Variants in MNS1 observed in about 807,000 individuals in gnomAD.
The protein encoded by MNS1 is meiosis specific nuclear structural 1.
Under a neutral mutation model 72.0 loss-of-function variants are expected in MNS1, and 63 were observed. The observed-to-expected ratio is 0.87, with a 90% CI of 0.71 to 1.08. MNS1 has a LOEUF of 1.08. Ranked by LOEUF, MNS1 falls within the 50% of genes least tolerant of loss-of-function variation. MNS1 has a pLI of 0.00. For missense variants in MNS1, 604 were observed against 562.4 expected, an observed-to-expected ratio of 1.07 and a Z score of -0.75; for synonymous variants, 188 against 172.1, an observed-to-expected ratio of 1.09 and a Z score of -0.72.
chr15:56,453,912 T>C (rs1219926793), intron 3 of MNS1, among the ~76,000 whole-genome samples: 1 of 152,164 alleles, frequency 6.6e-6, no homozygotes, highest in Non-Finnish European at 1.5e-5. Flanking sequence ...TTAAAAAAGC[T>C]AAATCTTAAT....
chr15:56,457,815 T>TA (rs1350685968), intron 2 of MNS1, among the ~76,000 whole-genome samples: 198 of 140,690 alleles, frequency 1.4e-3, no homozygotes, highest in African/African-American at 3.2e-3. Context: ...CCCTGTCTCT[T>TA]AAAAAAAAAA....
chr15:56,457,197 T>G (rs2050987063), intron 2 of MNS1, among the ~76,000 whole-genome samples: 1 of 152,216 alleles, frequency 6.6e-6, no homozygotes, highest in African/African-American at 2.4e-5. Flanking sequence ...CCGTAGAATG[T>G]TCCACATTTT....
Position 56,429,099 on chromosome 15 carries a change from T to TATC in MNS1, c.1487_*1dup. The TATC allele has an allele frequency of 6.4e-7, 1 of 1,573,066 alleles. No individual in the cohort carries two copies. Among genetic ancestry groups the TATC allele is most frequent in the Non-Finnish European group, 8.7e-7 (1 of 1,154,204 alleles). On this transcript the variant is annotated 3_prime_UTR_variant, in exon 10 of 10. Transcript: ENST00000260453. ...TCTATGCTTTACCCAATTTTGATGA[T>TATC]ATCATTTCTCTTCACAAATTTCACT...
At chr15:56,432,120 G>A (rs1314380986) in intron 8 of MNS1, among the ~76,000 whole-genome samples, 6 of 152,100 alleles carry the variant, frequency 3.9e-5, no homozygotes, top group Non-Finnish European at 8.8e-5. Flanking sequence ...TTATAAAGAG[G>A]AGATACAGGA....
At chr15:56,460,487 T>C (rs184600659) in intron 2 of MNS1, among the ~76,000 whole-genome samples, 1 of 152,266 alleles carries the variant, frequency 6.6e-6, no homozygotes, top group East Asian at 1.9e-4. Context: ...ACTGATGAAA[T>C]CTGAATAAAT....
Position 56,431,438 on chromosome 15 carries a change from T to C in MNS1, c.1330A>G (p.Ile444Val). ...QRRQGFINAI[I>V]EEERLKLLKE... ...AGAAGTTTTAGCCTTTCTTCTTCAA[T>C]AATTGCATTAATAAATCCTTGCCGC... Residue 444 changes from isoleucine to valine, a missense_variant, in exon 9 of 10, where the codon ATT becomes GTT. Physicochemically the swap from Ile to Val is conservative, Grantham distance 29. Transcript: ENST00000260453. 6.2e-7 allele frequency: 1 copy of C among 1,613,744 alleles called. No homozygotes were observed. Among genetic ancestry groups the C allele is most frequent in the Non-Finnish European group, 8.5e-7 (1 of 1,179,894 alleles).
At position 56,434,392 on chromosome 15, in the gene MNS1, C is replaced by T; in HGVS notation, c.1015G>A (p.Glu339Lys). The T allele has an allele frequency of 6.2e-7, 1 of 1,609,204 alleles. No homozygotes were observed. The highest frequency in any genetic ancestry group is 8.5e-7 in the Non-Finnish European group (1 of 1,178,064). ...AEIYKSKLKE[E>K]AEKKLRKQKE... ...TGCTTTCTCAATTTCTTTTCTGCTTCTTCCTAAACAATACAGCTGAAAGTT... is the reference window on the plus strand; with the variant it reads ...TGCTTTCTCAATTTCTTTTCTGCTTTTTCCTAAACAATACAGCTGAAAGTT... Residue 339 changes from glutamate (E) to lysine (K), a missense_variant, in exon 8 of 10, where the codon GAA becomes AAA. Transcript: ENST00000260453.
In MNS1 at chr15:56,438,939, G is replaced by C. The variant is rs543077899; in HGVS notation, c.1011+4491C>G. On this transcript the variant is annotated intron_variant, in intron 7 of 9. Coordinates refer to ENST00000260453, the MANE Select transcript of MNS1 (RefSeq NM_018365.4). ...CTTCTTCAACATAGCACTAGCCAGT[G>C]GTGCTGGAAATTTTAGCCAGCATGT... 4.6e-4 allele frequency among the ~76,000 whole-genome samples: 70 copies of C among 152,104 alleles called. No individual in the cohort carries two copies. The Middle Eastern group carries it at 0.014, about 30-fold the overall frequency.
At chr15:56,430,723 G>C (rs546088663) in intron 9 of MNS1, among the ~76,000 whole-genome samples, 2 of 144,522 alleles carry the variant, frequency 1.4e-5, no homozygotes, top group Non-Finnish European at 3.0e-5. Context: ...ACAGTTCTAG[G>C]GTAGTCTCAA....
intron 3 of MNS1, among the ~76,000 whole-genome samples, chr15:56,449,932 TTC>T (rs1476612425): frequency 6.6e-6 from 1 of 152,214 alleles, no homozygotes; most frequent in African/African-American, 2.4e-5. Context: ...TATTTGTGCA[TTC>T]TCTTTTACTC....
chr15:56,440,573 T>A lies in MNS1; in HGVS notation c.1011+2857A>T, dbSNP rs140880019. Among the ~76,000 whole-genome samples the A allele has an allele frequency of 4.3e-4, 66 of 152,284 alleles. 1 individual carries two copies. In the East Asian group the frequency reaches 0.012, roughly 27 times the overall value. ...AATATTGGAAGCATTCCAAATGCCC[T>A]TTAATGGGCAAATGGTCAAATAAAA... On this transcript the variant is annotated intron_variant, in intron 7 of 9. Coordinates refer to ENST00000260453, the MANE Select transcript of MNS1 (RefSeq NM_018365.4).
intron 8 of MNS1, among the ~76,000 whole-genome samples, chr15:56,433,097 C>G (rs771800980): frequency 3.3e-5 from 5 of 152,236 alleles, no homozygotes; most frequent in African/African-American, 4.8e-5. Context: ...CCTGGGCCAC[C>G]AAATCATTTT....
chr15:56,457,463 T>C (rs2140377963), intron 2 of MNS1, among the ~76,000 whole-genome samples: 1 of 152,274 alleles, frequency 6.6e-6, no homozygotes, highest in Admixed American at 6.5e-5. Context: ...CTATCACTCA[T>C]ATATTGCTGT....
At chr15:56,439,788 A>G (rs1378758922) in intron 7 of MNS1, among the ~76,000 whole-genome samples, 1 of 151,598 alleles carries the variant, frequency 6.6e-6, no homozygotes, top group East Asian at 1.9e-4. Context: ...ACACACACAC[A>G]CACACAAACC....
chr15:56,434,049 A>G lies in MNS1; in HGVS notation c.1269+89T>C. On this transcript the variant is annotated intron_variant, in intron 8 of 9. Transcript: ENST00000260453. Reference sequence around the variant, plus strand: ...AACATACTAACATTGTCTGGCATATAAAGCTTCTCAGTAAATGTTTAGTGG... The same window carrying G: ...AACATACTAACATTGTCTGGCATATGAAGCTTCTCAGTAAATGTTTAGTGG... 5 of 1,375,056 alleles carry G rather than the reference A, an allele frequency of 3.6e-6. No individual in the cohort carries two copies. The South Asian group carries it at 7.1e-5, about 20-fold the overall frequency. 85.2% of individuals were successfully genotyped at this position (1,375,056 alleles called of 1,614,324 possible).
chr15:56,460,009 A>AAAAAAAAAAATAT lies in MNS1; in HGVS notation c.226-3489_226-3488insATATTTTTTTTTT. 2.2e-3 allele frequency among the ~76,000 whole-genome samples: 57 copies of AAAAAAAAAAATAT among 26,378 alleles called. 9 individuals are homozygous for AAAAAAAAAAATAT. The highest frequency in any genetic ancestry group is 4.8e-3 in the African/African-American group (32 of 6,648). 17.3% of individuals were successfully genotyped at this position (26,378 alleles called of 152,430 possible). On this transcript the variant is annotated intron_variant, in intron 2 of 9. Transcript: ENST00000260453. ...CTGTCTCAAAAAAAAAAAAAAAAAA[A>AAAAAAAAAAATAT]ATACATATATATATATATATATATA...
At chr15:56,451,948 C>G (rs899489934) in intron 3 of MNS1, among the ~76,000 whole-genome samples, 3 of 152,086 alleles carry the variant, frequency 2.0e-5, no homozygotes, top group African/African-American at 7.2e-5. Context: ...TAAATTGATT[C>G]CTCTGAAAAT....
intron 3 of MNS1, among the ~76,000 whole-genome samples, chr15:56,452,986 G>GT (rs2050957797): frequency 6.6e-6 from 1 of 151,958 alleles, no homozygotes; most frequent in Non-Finnish European, 1.5e-5. Flanking sequence ...TTTTACATGA[G>GT]TTTTTTGGAA....
At position 56,444,524 on chromosome 15, in the gene MNS1, C is replaced by CT. The variant is rs549395315; in HGVS notation, c.605dup (p.Gln203AlafsTer5). ...TTAGCAGCTGCTCATAAGCTTCCTG[C>CT]TTTTTTTTTTCTTGTTCTTCAAGTT... is the stretch of plus-strand genomic sequence containing the variant. On this transcript the variant is annotated frameshift_variant, in exon 5 of 10. Coordinates refer to ENST00000260453, the MANE Select transcript of MNS1 (RefSeq NM_018365.4). LOFTEE classifies it high-confidence loss of function. The CT allele has an allele frequency of 5.0e-4, 740 of 1,474,340 alleles. No individual in the cohort carries two copies. The highest frequency in any genetic ancestry group is 9.3e-4 in the Admixed American group (51 of 54,972). 91.3% of individuals were successfully genotyped at this position (1,474,340 alleles called of 1,614,324 possible). A position where few individuals can be genotyped will look rare whatever the true frequency, so the allele number is the denominator to read the frequency against.
Sources: gnomAD v4.1 joint callset for allele counts (sites outside exome capture counted in the v4.1 genomes callset) on GRCh38, gnomAD v4.1.1 for gene constraint, MANE v1.5 for transcripts, NCBI Gene and HGNC (gene_info 2026-07-23, HGNC 2026-07-21) for gene names.